The following NPAS3 variants were observed in gnomAD, a reference collection of about 807,000 sequenced individuals.
NPAS3 encodes neuronal PAS domain protein 3.
A neutral mutation model predicts 73.1 loss-of-function variants in NPAS3; 14 were observed. The ratio of observed to expected loss-of-function variants is 0.19; its 90% CI spans 0.13 to 0.30. The LOEUF is 0.30. Ranked by LOEUF, NPAS3 falls within the 10% of genes least tolerant of loss-of-function variation. The pLI, the probability that NPAS3 is intolerant of heterozygous loss-of-function variation, is 1.00. For synonymous variants in NPAS3, 620 were observed against 541.5 expected, an observed-to-expected ratio of 1.14 and a Z score of -2.01; for missense variants, 1,096 against 1,250.0, an observed-to-expected ratio of 0.88 and a Z score of 1.86.
chr14:33,322,871 C>A lies in NPAS3; in HGVS notation c.386-44315C>A, dbSNP rs1034450817. ...TACTCTGACCATGGAGATATAGGTA[C>A]TTTCTGCCTATTTGTATATCTGACC... On this transcript the variant is annotated intron_variant, in intron 3 of 11. Transcript: ENST00000356141. Among the ~76,000 whole-genome samples, 3 of 152,150 alleles carry A rather than the reference C, an allele frequency of 2.0e-5. No homozygotes were observed. The East Asian group carries it at 5.8e-4, about 29-fold the overall frequency.
At chr14:33,188,606 A>G (rs1286608229) in intron 2 of NPAS3, among the ~76,000 whole-genome samples, 2 of 152,206 alleles carry the variant, frequency 1.3e-5, no homozygotes, top group South Asian at 2.1e-4. Flanking sequence ...TTTTCATTGT[A>G]TAGAAGACAG....
chr14:33,420,008 C>T (rs2048307990), intron 4 of NPAS3, among the ~76,000 whole-genome samples: 1 of 152,012 alleles, frequency 6.6e-6, no homozygotes, highest in Admixed American at 6.6e-5. Flanking sequence ...TATTTGTCAA[C>T]ATTATCTGAA....
chr14:33,411,443 A>G (rs1870600005), intron 4 of NPAS3, among the ~76,000 whole-genome samples: 1 of 152,168 alleles, frequency 6.6e-6, no homozygotes. Context: ...TCGGTTTCCC[A>G]AGGTGCTGGG....
intron 1 of NPAS3, among the ~76,000 whole-genome samples, chr14:32,995,459 A>T (rs1387889070): frequency 6.6e-6 from 1 of 152,208 alleles, no homozygotes; most frequent in African/African-American, 2.4e-5. Context: ...TGCCTTGTTC[A>T]TTCCATGGGA....
intron 4 of NPAS3, among the ~76,000 whole-genome samples, chr14:33,557,999 C>A (rs902761975): frequency 2.6e-5 from 4 of 152,072 alleles, no homozygotes; most frequent in Non-Finnish European, 5.9e-5. Context: ...GATAATAATA[C>A]TATAATTTCA....
intron 3 of NPAS3, among the ~76,000 whole-genome samples, chr14:33,247,994 A>G (rs1174954177): frequency 6.6e-6 from 1 of 152,242 alleles, no homozygotes; most frequent in Non-Finnish European, 1.5e-5. Context: ...TTAGCTAACT[A>G]GACAACTTCT....
intron 2 of NPAS3, among the ~76,000 whole-genome samples, chr14:33,113,078 T>C (rs1184808913): frequency 1.3e-5 from 2 of 152,160 alleles, no homozygotes; most frequent in Admixed American, 1.3e-4. Flanking sequence ...AGCCTTGTAG[T>C]ATAGTTTGAA....
intron 4 of NPAS3, among the ~76,000 whole-genome samples, chr14:33,529,920 A>G (rs2053967354): frequency 6.6e-6 from 1 of 152,172 alleles, no homozygotes; most frequent in South Asian, 2.1e-4. Flanking sequence ...TGAAAGTTGC[A>G]ACTCAAAGTT....
At chr14:33,295,672 A>G (rs2042267605) in intron 3 of NPAS3, among the ~76,000 whole-genome samples, 1 of 152,192 alleles carries the variant, frequency 6.6e-6, no homozygotes, top group Non-Finnish European at 1.5e-5. Flanking sequence ...CCTTTTCCCA[A>G]ATTTTAATTA....
At chr14:33,660,339 T>A (rs904392261) in intron 5 of NPAS3, among the ~76,000 whole-genome samples, 6 of 152,192 alleles carry the variant, frequency 3.9e-5, no homozygotes, top group African/African-American at 9.7e-5. Context: ...TTCTCATAAC[T>A]CATTTCTAAA....
intron 4 of NPAS3, among the ~76,000 whole-genome samples, chr14:33,396,083 G>A (rs1205099301): frequency 1.3e-5 from 2 of 152,094 alleles, no homozygotes; most frequent in African/African-American, 4.8e-5. Context: ...AGGTGTTGTG[G>A]GGAGGAAGCC....
chr14:33,657,038 A>G (rs898840599), intron 5 of NPAS3, among the ~76,000 whole-genome samples: 4 of 152,218 alleles, frequency 2.6e-5, no homozygotes, highest in Admixed American at 2.6e-4. Flanking sequence ...ATTTGCCCTT[A>G]AAAAGGTAGA....
At chr14:33,356,649 G>A (rs1162409736) in intron 3 of NPAS3, among the ~76,000 whole-genome samples, 2 of 152,194 alleles carry the variant, frequency 1.3e-5, no homozygotes, top group African/African-American at 4.8e-5. Context: ...GCATCTGTGG[G>A]GGGTGCTTGG....
intron 4 of NPAS3, among the ~76,000 whole-genome samples, chr14:33,374,921 T>C (rs917077348): frequency 6.6e-6 from 1 of 152,186 alleles, no homozygotes; most frequent in Non-Finnish European, 1.5e-5. Context: ...TTGATGGTAG[T>C]GTTTTCAAAA....
At position 33,791,515 on chromosome 14, in the gene NPAS3, A is replaced by G. The variant is rs182213481; in HGVS notation, c.1154-2382A>G. 1.8e-4 allele frequency among the ~76,000 whole-genome samples: 28 copies of G among 152,354 alleles called. No homozygotes were observed. The East Asian group carries it at 5.0e-3, about 27-fold the overall frequency. On this transcript the variant is annotated intron_variant, in intron 9 of 11. Transcript: ENST00000356141. ...TACTGTAATTCAAAAAGATGACACC[A>G]TACGGTCCCTTAGCAAAGAAGCCTT... is the stretch of plus-strand genomic sequence containing the variant.
chr14:33,547,885 A>G (rs1225954031), intron 4 of NPAS3, among the ~76,000 whole-genome samples: 1 of 152,218 alleles, frequency 6.6e-6, no homozygotes, highest in Non-Finnish European at 1.5e-5. Context: ...TTGGGACTTC[A>G]TTCAAAATAT....
chr14:33,077,788 T>TTTTTTTTTTTTTTTTC (rs1211657448), intron 2 of NPAS3, among the ~76,000 whole-genome samples: 1 of 149,998 alleles, frequency 6.7e-6, no homozygotes, highest in Non-Finnish European at 1.5e-5. Context: ...TTTTTTTTTT[T>TTTTTTTTTTTTTTTTC]TGCCCCTTTT....
intron 2 of NPAS3, among the ~76,000 whole-genome samples, chr14:33,092,253 G>A (rs998807716): frequency 8.8e-5 from 13 of 148,334 alleles, no homozygotes; most frequent in Non-Finnish European, 1.5e-5. Flanking sequence ...TCCTTAAGCT[G>A]TTAAGCAACT....
intron 3 of NPAS3, among the ~76,000 whole-genome samples, chr14:33,257,253 T>A (rs77973255): frequency 0.035 from 5,299 of 152,250 alleles, 148 homozygotes; most frequent in Non-Finnish European, 0.05. Context: ...GTATGTCTGT[T>A]TGCACCAACG....
Sources: allele counts gnomAD v4.1 joint callset (sites outside exome capture counted in the v4.1 genomes callset), GRCh38; gene constraint gnomAD v4.1.1; transcripts MANE v1.5; gene names NCBI Gene and HGNC (gene_info 2026-07-23, HGNC 2026-07-21).